The following USH2A variants were observed in gnomAD, a reference collection of about 807,000 sequenced individuals.
The protein encoded by USH2A is Usher syndrome 2A (autosomal recessive, mild).
A neutral mutation model predicts 538.9 loss-of-function variants in USH2A; 443 were observed. The observed-to-expected ratio is 0.82, with a 90% CI of 0.76 to 0.89. USH2A has a LOEUF of 0.89. Ranked by LOEUF, USH2A falls within the 40% of genes least tolerant of loss-of-function variation. The pLI, the probability that USH2A is intolerant of heterozygous loss-of-function variation, is 0.00. For missense variants in USH2A, 6,633 were observed against 6,324.8 expected, an observed-to-expected ratio of 1.05 and a Z score of -1.65; for synonymous variants, 2,413 against 2,273.5, an observed-to-expected ratio of 1.06 and a Z score of -1.75.
intron 70 of USH2A, among the ~76,000 whole-genome samples, chr1:215,630,529 A>G (rs528089409): frequency 7.8e-6 from 1 of 128,954 alleles, no homozygotes; most frequent in East Asian, 2.3e-4. Context: ...TATATATATG[A>G]GAGAGAGAAA....
chr1:215,881,313 G>A (rs1571776238), intron 41 of USH2A, among the ~76,000 whole-genome samples: 1 of 152,088 alleles, frequency 6.6e-6, no homozygotes, highest in African/African-American at 2.4e-5. Context: ...GCTAATTTTT[G>A]TAGTTTTAGT....
In USH2A at chr1:215,674,282, C is replaced by T. The variant is rs1189794947; in HGVS notation, c.13629G>A (p.Arg4543=). ...AGTTCACTAAGATCTCCTGAGGACC[C>T]CTGGCCTGCAATTTTGGAGGTTCCA... ...SGMEPPKLQA[R]GPQEILVNWD... The change falls in exon 63 of 72, where the codon AGG becomes AGA. Residue 4543 remains arginine, a synonymous_variant. Coordinates refer to ENST00000307340, the MANE Select transcript of USH2A (RefSeq NM_206933.4). The T allele has an allele frequency of 6.2e-7, 1 of 1,614,076 alleles. No homozygotes were observed. Among genetic ancestry groups the T allele is most frequent in the South Asian group, 1.1e-5 (1 of 91,074 alleles).
intron 69 of USH2A, among the ~76,000 whole-genome samples, chr1:215,637,514 G>T (rs1656532212): frequency 6.6e-6 from 1 of 152,176 alleles, no homozygotes; most frequent in Admixed American, 6.5e-5. Flanking sequence ...AAATTCCTGT[G>T]TCCCTTATAC....
intron 3 of USH2A, among the ~76,000 whole-genome samples, chr1:216,370,692 A>AAAAAAAAAAAAAAAAAAAAAAAAAAC: frequency 6.6e-6 from 1 of 150,514 alleles, no homozygotes; most frequent in Non-Finnish European, 1.5e-5. Context: ...AAAAAAAAAA[A>AAAAAAAAAAAAAAAAAAAAAAAAAAC]AAAAAAAAAA....
At position 215,786,846 on chromosome 1, in the gene USH2A, G is replaced by A. The variant is rs761814307; in HGVS notation, c.10211C>T (p.Pro3404Leu). 10 of 1,613,772 alleles carry A rather than the reference G, an allele frequency of 6.2e-6. No individual in the cohort carries two copies. The highest frequency in any genetic ancestry group is 1.3e-5 in the African/African-American group (1 of 74,896). ...KETKECRILC[P>L]ASMEATEHCG... ...ATGTTCTGTGGCTTCCATAGATGCT[G>A]GGCAGAGGATCCTGCACTCTTTGGT... The change falls in exon 52 of 72, where the codon CCA (proline) becomes CTA (leucine). Residue 3404 changes from proline to leucine, a missense_variant. Pro to Leu is a moderately conservative substitution (Grantham distance 98). Coordinates refer to ENST00000307340, the MANE Select transcript of USH2A (RefSeq NM_206933.4).
In USH2A at chr1:216,124,117, C is replaced by T. The variant is rs946560439; in HGVS notation, c.4628-26904G>A. 3.3e-5 allele frequency among the ~76,000 whole-genome samples: 5 copies of T among 152,164 alleles called. No homozygotes were observed. The South Asian group carries it at 6.2e-4, about 19-fold the overall frequency. ...CTCTGGGTGGTAATTTAAATAGAAA[C>T]CTTTTGTCGCTTTAGCAGCAATTGT... On this transcript the variant is annotated intron_variant, in intron 21 of 71. Coordinates refer to ENST00000307340, the MANE Select transcript of USH2A (RefSeq NM_206933.4).
At chr1:215,705,040 A>G (rs1659147372) in intron 61 of USH2A, among the ~76,000 whole-genome samples, 1 of 152,210 alleles carries the variant, frequency 6.6e-6, no homozygotes, top group African/African-American at 2.4e-5. Context: ...TCTTATTGGC[A>G]ATATGCTAGC....
At chr1:216,325,680 C>T in intron 5 of USH2A, 81 bp from the exon 6 acceptor site, 1 of 1,373,290 alleles carries the variant, frequency 7.3e-7, no homozygotes. Context: ...AAATGAATGT[C>T]ACTCGTTTAG....
chr1:216,356,107 C>G (rs1000320991), intron 4 of USH2A, among the ~76,000 whole-genome samples: 1 of 152,054 alleles, frequency 6.6e-6, no homozygotes, highest in Non-Finnish European at 1.5e-5. Context: ...AGCATTCAAA[C>G]CCAAATCTGT....
In USH2A at chr1:215,732,544, C is replaced by CTTTTTTT. The variant is rs141549439; in HGVS notation, c.11712-4167_11712-4161dup. ...TCTTTCTTATTCTCCTTTTTTCTTTCTTTTTTTTTTTTTTTTTTTTTTTTT... is the reference window on the plus strand; with the variant it reads ...TCTTTCTTATTCTCCTTTTTTCTTTCTTTTTTTTTTTTTTTTTTTTTTTTTTTTTTTT... On this transcript the variant is annotated intron_variant, in intron 60 of 71. Transcript: ENST00000307340. 2.2e-3 allele frequency among the ~76,000 whole-genome samples: 162 copies of CTTTTTTT among 73,578 alleles called. 2 individuals carry two copies. The highest frequency in any genetic ancestry group is 2.3e-3 in the Non-Finnish European group (102 of 43,412). 48.3% of individuals were successfully genotyped at this position (73,578 alleles called of 152,430 possible).
chr1:216,246,011 T>C (rs1018330608), intron 13 of USH2A, among the ~76,000 whole-genome samples: 8 of 152,176 alleles, frequency 5.3e-5, no homozygotes, highest in African/African-American at 9.7e-5. Context: ...AGGAGAGCCA[T>C]AGATGGGGTC....
chr1:216,172,357 C>T (rs768456082), intron 21 of USH2A, among the ~76,000 whole-genome samples: 1 of 151,920 alleles, frequency 6.6e-6, no homozygotes, highest in Non-Finnish European at 1.5e-5. Flanking sequence ...TGTACATCAA[C>T]CTTATATTTG....
At chr1:216,399,308 C>A (rs946969621) in intron 3 of USH2A, among the ~76,000 whole-genome samples, 11 of 152,246 alleles carry the variant, frequency 7.2e-5, no homozygotes, top group Admixed American at 6.5e-4. Context: ...AGCACAAGAC[C>A]ACATGAGGTG....
chr1:216,262,192 C>T (rs577670180), intron 11 of USH2A, among the ~76,000 whole-genome samples: 7 of 152,064 alleles, frequency 4.6e-5, no homozygotes, highest in Admixed American at 2.0e-4. Context: ...ACCAAAGGAA[C>T]ACAATAATCC....
intron 32 of USH2A, among the ~76,000 whole-genome samples, chr1:216,027,311 G>A (rs1254407235): frequency 1.3e-5 from 2 of 152,112 alleles, no homozygotes; most frequent in African/African-American, 4.8e-5. Flanking sequence ...GCAAGAAGGC[G>A]GCAATTTGTA....
intron 21 of USH2A, among the ~76,000 whole-genome samples, chr1:216,127,927 T>C (rs957398320): frequency 5.9e-5 from 9 of 152,178 alleles, no homozygotes; most frequent in African/African-American, 2.2e-4. Context: ...AGATGCTGAT[T>C]AGAAGTCAGA....
intron 21 of USH2A, among the ~76,000 whole-genome samples, chr1:216,150,565 T>C (rs1295059917): frequency 6.6e-6 from 1 of 152,086 alleles, no homozygotes; most frequent in Non-Finnish European, 1.5e-5. Flanking sequence ...ATCTCCCGTC[T>C]CCCTACACCT....
chr1:215,725,097 G>T (rs530112953), intron 61 of USH2A, among the ~76,000 whole-genome samples: 12 of 152,246 alleles, frequency 7.9e-5, no homozygotes, highest in Admixed American at 1.3e-4. Context: ...GTGGTGGCAT[G>T]ATCTTGGCTC....
At chr1:216,190,449 C>A in intron 19 of USH2A, 82 bp from the exon 20 acceptor site, 1 of 1,547,866 alleles carries the variant, frequency 6.5e-7, no homozygotes, top group African/African-American at 1.4e-5. Context: ...AGTCAAAGTT[C>A]CATGAATTCA....
Sources: allele counts gnomAD v4.1 joint callset (sites outside exome capture counted in the v4.1 genomes callset), GRCh38; gene constraint gnomAD v4.1.1; transcripts MANE v1.5; gene names NCBI Gene and HGNC (gene_info 2026-07-23, HGNC 2026-07-21).